SNTB2: variants seen among roughly 807,000 people sequenced by gnomAD.
SNTB2 encodes syntrophin beta 2.
In SNTB2, 34 loss-of-function variants were observed where a neutral mutation model predicts 46.2. That is an observed-to-expected ratio of 0.74 (90% CI 0.56 to 0.98). SNTB2 has a LOEUF of 0.98. SNTB2 is among the 50% of genes least tolerant of loss of function. SNTB2 has a pLI of 0.00. For missense variants in SNTB2, 603 were observed against 731.4 expected (o/e 0.82, Z 2.02); for synonymous variants, 290 against 312.6 (o/e 0.93, Z 0.76).
chr16:69,290,119 C>T (rs1847577047), intron 5 of SNTB2, among the ~76,000 whole-genome samples: 1 of 152,120 alleles, frequency 6.6e-6, no homozygotes, highest in Admixed American at 6.6e-5. Context: ...TAGTTTTAAA[C>T]CTTGATTAGG....
rs191208308 is a variant in SNTB2, at chr16:69,272,011, A to G, written c.1148+1726A>G. Among the ~76,000 whole-genome samples, 555 of 152,316 alleles carry G rather than the reference A, an allele frequency of 3.6e-3. 4 individuals carry two copies. The highest frequency in any genetic ancestry group is 0.013 in the African/African-American group (523 of 41,580). On this transcript the variant is annotated intron_variant, in intron 4 of 6. Coordinates refer to ENST00000336278, the MANE Select transcript of SNTB2 (RefSeq NM_006750.4). ...CAGACAAGATTTAAGAGCTAAAACT[A>G]TAAAACTCGTAGAATAAAATATAGT...
rs3087058 is a variant in SNTB2, at chr16:69,284,459, T to TAAAAAAA, written c.1345+242_1345+248dup. Among the ~76,000 whole-genome samples, 42 of 45,910 alleles carry TAAAAAAA rather than the reference T, an allele frequency of 9.1e-4. 3 individuals are homozygous for TAAAAAAA. The highest frequency in any genetic ancestry group is 3.5e-3 in the African/African-American group (41 of 11,784). The allele number at this position is 45,910 out of a possible 152,430, so 30.1% of individuals were successfully genotyped here. ...CAACATGGTGAAACCCCGTCTTTAC[T>TAAAAAAA]AAAAAAAAAAAAAAAAAAAAAAAAA... On this transcript the variant is annotated intron_variant, in intron 5 of 6. Coordinates refer to ENST00000336278, the MANE Select transcript of SNTB2 (RefSeq NM_006750.4).
intron 4 of SNTB2, among the ~76,000 whole-genome samples, chr16:69,274,932 G>A (rs1964972334): frequency 6.6e-6 from 1 of 152,106 alleles, no homozygotes; most frequent in African/African-American, 2.4e-5. Context: ...AATTAAATGG[G>A]TGGGTCTTAT....
chr16:69,275,308 T>G (rs1964977152), intron 4 of SNTB2, among the ~76,000 whole-genome samples: 1 of 152,172 alleles, frequency 6.6e-6, no homozygotes, highest in African/African-American at 2.4e-5. Context: ...CAAACAATTC[T>G]CATGCCTCTC....
chr16:69,214,990 T>C (rs1257717512), intron 1 of SNTB2, among the ~76,000 whole-genome samples: 1 of 151,636 alleles, frequency 6.6e-6, no homozygotes, highest in African/African-American at 2.4e-5. Context: ...ATTACAGGCA[T>C]GTGCCACCAT....
chr16:69,272,689 C>T (rs1362249304), intron 4 of SNTB2, among the ~76,000 whole-genome samples: 1 of 151,396 alleles, frequency 6.6e-6, no homozygotes, highest in Non-Finnish European at 1.5e-5. Flanking sequence ...GTCAGGAGCT[C>T]GAGACCAGCC....
chr16:69,226,141 G>C (rs1262012659), intron 1 of SNTB2, among the ~76,000 whole-genome samples: 1 of 151,922 alleles, frequency 6.6e-6, no homozygotes, highest in Non-Finnish European at 1.5e-5. Flanking sequence ...GCGTGATCTC[G>C]GCTCACTGCA....
intron 1 of SNTB2, among the ~76,000 whole-genome samples, chr16:69,236,661 T>C (rs1283651427): frequency 1.3e-5 from 2 of 150,256 alleles, no homozygotes; most frequent in South Asian, 2.1e-4. Context: ...ATGTTGTGTA[T>C]ATTTTACAAT....
chr16:69,226,699 T>C (rs1964462951), intron 1 of SNTB2, among the ~76,000 whole-genome samples: 1 of 152,060 alleles, frequency 6.6e-6, no homozygotes, highest in Non-Finnish European at 1.5e-5. Flanking sequence ...CAGGCTAATT[T>C]TTAAATTGTT....
chr16:69,196,107 C>T (rs1032107318), intron 1 of SNTB2, among the ~76,000 whole-genome samples: 11 of 152,088 alleles, frequency 7.2e-5, no homozygotes, highest in African/African-American at 2.2e-4. Context: ...GGTGAGGTGG[C>T]GAGTGCCTGT....
chr16:69,229,296 G>A (rs890756417), intron 1 of SNTB2, among the ~76,000 whole-genome samples: 7 of 151,606 alleles, frequency 4.6e-5, no homozygotes, highest in Non-Finnish European at 8.8e-5. Context: ...CAGCCTCCTG[G>A]GTGGCTGGAA....
At chr16:69,247,528 A>G (rs1597185984) in intron 2 of SNTB2, among the ~76,000 whole-genome samples, 1 of 152,260 alleles carries the variant, frequency 6.6e-6, no homozygotes, top group East Asian at 1.9e-4. Flanking sequence ...AAGAAACTGA[A>G]TGGCCTCCTT....
chr16:69,263,097 A>G (rs1451781307), intron 3 of SNTB2, among the ~76,000 whole-genome samples: 4 of 149,244 alleles, frequency 2.7e-5, no homozygotes, highest in Non-Finnish European at 5.9e-5. Context: ...AGGAACTACC[A>G]TTCCACTCTA....
At chr16:69,239,413 C>A (rs143008600) in intron 1 of SNTB2, among the ~76,000 whole-genome samples, 85 of 152,284 alleles carry the variant, frequency 5.6e-4, no homozygotes, top group African/African-American at 1.9e-3. Context: ...TACATAAATT[C>A]TTGTAACTGT....
intron 1 of SNTB2, among the ~76,000 whole-genome samples, chr16:69,231,759 A>G (rs936409228): frequency 5.3e-5 from 8 of 152,212 alleles, no homozygotes; most frequent in East Asian, 3.8e-4. Flanking sequence ...CTATATGGCA[A>G]TTTCCACAGG....
chr16:69,269,855 A>G (rs927606454), intron 3 of SNTB2, among the ~76,000 whole-genome samples: 3 of 152,192 alleles, frequency 2.0e-5, no homozygotes, highest in African/African-American at 4.8e-5. Context: ...GTGAGACCCT[A>G]TCTCAAAAAA....
chr16:69,251,887 A>C (rs1296279315), intron 2 of SNTB2, among the ~76,000 whole-genome samples: 1 of 152,174 alleles, frequency 6.6e-6, no homozygotes. Context: ...GGAGTTTGAG[A>C]CCAGCCGGGC....
In SNTB2 at chr16:69,300,911, G is replaced by A; in HGVS notation, c.1610G>A (p.Gly537Glu). The A allele has an allele frequency of 2.5e-6, 4 of 1,610,774 alleles. No homozygotes were observed. Among genetic ancestry groups the A allele is most frequent in the Non-Finnish European group, 3.4e-6 (4 of 1,177,246 alleles). Reference protein sequence around the residue: ...TFLSAKVTRMGLLV With the variant: ...TFLSAKVTRMELLV Reference sequence around the variant, plus strand: ...TTATCGGCCAAAGTCACTCGTATGGGACTGCTTGTATGAGCAACAAAAAAT... The same window carrying A: ...TTATCGGCCAAAGTCACTCGTATGGAACTGCTTGTATGAGCAACAAAAAAT... Residue 537 changes from glycine to glutamate, a missense_variant, in exon 7 of 7, where the codon GGA becomes GAA. Around this residue, in one of 2 missense-constraint regions of SNTB2, gnomAD observed 537 missense variants for 692.4 expected, o/e 0.78. Coordinates refer to ENST00000336278, the MANE Select transcript of SNTB2 (RefSeq NM_006750.4).
intron 1 of SNTB2, among the ~76,000 whole-genome samples, chr16:69,219,642 C>T (rs1262983959): frequency 3.3e-5 from 5 of 151,976 alleles, no homozygotes; most frequent in Non-Finnish European, 7.4e-5. Flanking sequence ...TTAAAAAGTC[C>T]GTCTCATTTG....
Sources: allele counts gnomAD v4.1 joint callset (sites outside exome capture counted in the v4.1 genomes callset), GRCh38; gene constraint gnomAD v4.1.1; regional missense constraint gnomAD v4.1.1; transcripts MANE v1.5; gene names NCBI Gene and HGNC (gene_info 2026-07-23, HGNC 2026-07-21).